The following SMG6 variants were observed in gnomAD, a reference collection of about 807,000 sequenced individuals.
The protein encoded by SMG6 is telomerase-binding protein EST1A.
In SMG6, 66 loss-of-function variants were observed where a neutral mutation model predicts 142.2. The ratio of observed to expected loss-of-function variants is 0.46; its 90% confidence interval spans 0.38 to 0.57. The LOEUF is 0.57. Ranked by LOEUF, SMG6 falls within the 20% of genes least tolerant of loss-of-function variation. SMG6 has a pLI of 0.00. For synonymous variants in SMG6, 779 were observed against 702.4 expected (o/e 1.11, Z -1.72); for missense variants, 1,793 against 1,832.0 (o/e 0.98, Z 0.39).
intron 12 of SMG6, among the ~76,000 whole-genome samples, chr17:2,185,701 G>C (rs890773277): frequency 6.6e-6 from 1 of 151,948 alleles, no homozygotes; most frequent in Non-Finnish European, 1.5e-5. Context: ...GGGGATGAGG[G>C]TGAGGGCAGA....
intron 10 of SMG6, among the ~76,000 whole-genome samples, chr17:2,202,029 A>C (rs78424832): frequency 8.1e-5 from 7 of 86,692 alleles, no homozygotes; most frequent in Admixed American, 7.9e-4. Context: ...ATCTCAAAGG[A>C]AAAAAAAAAG....
intron 8 of SMG6, among the ~76,000 whole-genome samples, chr17:2,245,173 G>A (rs1392228217): frequency 2.6e-5 from 4 of 152,180 alleles, no homozygotes; most frequent in Non-Finnish European, 4.4e-5. Flanking sequence ...ACAACCAAGA[G>A]CAAGGTAACC....
At chr17:2,133,192 C>T (rs2070181978) in intron 13 of SMG6, among the ~76,000 whole-genome samples, 1 of 151,962 alleles carries the variant, frequency 6.6e-6, no homozygotes, top group Non-Finnish European at 1.5e-5. Flanking sequence ...CTGCAGTGAG[C>T]GAGATGGCGT....
chr17:2,299,104 G>A lies in SMG6; in HGVS notation c.1649C>T (p.Pro550Leu), dbSNP rs374612311. The stretch of plus-strand genomic sequence containing the variant: ...AGGGCTACACACATACTGTCCTGAC[G>A]GAGTCGGGTAGCCTGGGTAGTAAGG... ...PGPYYPGYPT[P>L]SGQYVCSPLP... is the part of the protein sequence containing the mutation. Residue 550 changes from proline to leucine, a missense_variant, in exon 2 of 19, where the codon CCG (proline) becomes CTG (leucine). This residue lies in a region of SMG6 where 1,597 missense variants were observed against 1,584.6 expected (regional missense o/e 1.01). Coordinates refer to ENST00000263073, the MANE Select transcript of SMG6 (RefSeq NM_017575.5). The surrounding 1 kb of genome is among the most constrained non-coding windows in gnomAD (Gnocchi z 4.3). The A allele has an allele frequency of 4.3e-5, 69 of 1,614,046 alleles. No homozygotes were observed. Among genetic ancestry groups the A allele is most frequent in the Non-Finnish European group, 4.7e-5 (55 of 1,180,010 alleles).
chr17:2,283,824 TC>T, intron 6 of SMG6, 89 bp from the exon 7 acceptor site: 2 of 910,326 alleles, frequency 2.2e-6, no homozygotes, highest in Non-Finnish European at 3.5e-6. Flanking sequence ...CTACTATCTC[TC>T]CCAGCCTGTC....
chr17:2,185,740 G>T (rs1050252561), intron 12 of SMG6, among the ~76,000 whole-genome samples: 1 of 151,648 alleles, frequency 6.6e-6, no homozygotes, highest in South Asian at 2.1e-4. Context: ...AAACGAGGGC[G>T]AGGTGTAGTG....
intron 10 of SMG6, among the ~76,000 whole-genome samples, chr17:2,200,708 A>T (rs996761528): frequency 3.9e-5 from 6 of 152,110 alleles, no homozygotes; most frequent in East Asian, 1.9e-4. Context: ...AATTTAATTT[A>T]ATTTTATTTA....
chr17:2,121,763 C>A (rs1313230176), intron 13 of SMG6, among the ~76,000 whole-genome samples: 1 of 151,972 alleles, frequency 6.6e-6, no homozygotes, highest in Non-Finnish European at 1.5e-5. Context: ...TCAACAGGTG[C>A]TAGCCACTAC....
rs182349090 is a variant in SMG6 at position 2,164,923 on chromosome 17, C to T, written c.3357+7735G>A. Among the ~76,000 whole-genome samples, 11 of 150,914 alleles carry T rather than the reference C, an allele frequency of 7.3e-5. No individual in the cohort carries two copies. In the East Asian group the frequency reaches 1.9e-3, roughly 27 times the overall value. On this transcript the variant is annotated intron_variant, in intron 13 of 18. Transcript: ENST00000263073. Reference sequence around the variant, plus strand: ...CTGTACTCCAGCGTGGGCGACAGAGCGAGACTCCATCTCAAGGAAAAAAAA... The same window carrying T: ...CTGTACTCCAGCGTGGGCGACAGAGTGAGACTCCATCTCAAGGAAAAAAAA...
intron 8 of SMG6, among the ~76,000 whole-genome samples, chr17:2,273,665 C>T (rs890175631): frequency 2.6e-5 from 4 of 151,870 alleles, no homozygotes; most frequent in South Asian, 2.1e-4. Flanking sequence ...ATTAGCCAGG[C>T]GCACACCTAT....
At chr17:2,134,102 GTA>G (rs1405433009) in intron 13 of SMG6, among the ~76,000 whole-genome samples, 2 of 152,094 alleles carry the variant, frequency 1.3e-5, no homozygotes, top group Non-Finnish European at 2.9e-5. Context: ...TTCTGACCTA[GTA>G]TTGTCATATG....
chr17:2,295,835 T>C (rs1164773185), intron 4 of SMG6, among the ~76,000 whole-genome samples: 1 of 152,176 alleles, frequency 6.6e-6, no homozygotes, highest in Non-Finnish European at 1.5e-5. Context: ...AACCAATCTC[T>C]TTCCTTTGCA....
intron 8 of SMG6, among the ~76,000 whole-genome samples, chr17:2,272,517 T>C (rs1170786814): frequency 6.6e-6 from 1 of 152,204 alleles, no homozygotes; most frequent in Non-Finnish European, 1.5e-5. Context: ...TCACTACTCA[T>C]GATGCTTTCA....
At chr17:2,161,586 T>C (rs2071182040) in intron 13 of SMG6, among the ~76,000 whole-genome samples, 2 of 152,076 alleles carry the variant, frequency 1.3e-5, no homozygotes, top group Non-Finnish European at 2.9e-5. Flanking sequence ...ATTGTCCTGA[T>C]CTTCTGGTCC....
chr17:2,206,157 GAT>G (rs1393160976), intron 10 of SMG6, among the ~76,000 whole-genome samples: 1 of 151,896 alleles, frequency 6.6e-6, no homozygotes, highest in Non-Finnish European at 1.5e-5. Context: ...GCTGTTAAAA[GAT>G]ACCCCAAAAA....
intron 13 of SMG6, among the ~76,000 whole-genome samples, chr17:2,154,871 CA>C (rs961622156): frequency 1.3e-5 from 2 of 151,794 alleles, no homozygotes; most frequent in Non-Finnish European, 2.9e-5. Context: ...CTCATCTCTA[CA>C]AAAAAATACA....
At chr17:2,298,559 A>T (rs561503584) in intron 2 of SMG6, among the ~76,000 whole-genome samples, 35 of 152,210 alleles carry the variant, frequency 2.3e-4, no homozygotes, top group African/African-American at 8.2e-4. Context: ...CTCTCTAAAA[A>T]TACAAAAAAT....
intron 10 of SMG6, among the ~76,000 whole-genome samples, chr17:2,217,997 G>A (rs867777701): frequency 6.6e-6 from 1 of 150,518 alleles, no homozygotes; most frequent in Non-Finnish European, 1.5e-5. Flanking sequence ...GCGACACAGC[G>A]AGACTCGGTC....
chr17:2,184,959 T>TAA (rs1567666470), intron 12 of SMG6, among the ~76,000 whole-genome samples: 1 of 5,112 alleles, frequency 2.0e-4, no homozygotes, highest in Non-Finnish European at 4.1e-4. Context: ...GGACTCCATC[T>TAA]CAAAAAAAAA....
Sources: gnomAD v4.1 joint callset for allele counts (sites outside exome capture counted in the v4.1 genomes callset) on GRCh38, gnomAD v4.1.1 for gene constraint, gnomAD v4.1.1 regional missense constraint, Gnocchi (gnomAD v3.1) non-coding constraint, MANE v1.5 for transcripts, NCBI Gene and HGNC (gene_info 2026-07-23, HGNC 2026-07-21) for gene names.